GRID2: variants seen among roughly 807,000 people sequenced by gnomAD.
The protein encoded by GRID2 is glutamate ionotropic receptor delta type subunit 2.
Under a neutral mutation model 114.8 loss-of-function variants are expected in GRID2, and 33 were observed. The ratio of observed to expected loss-of-function variants is 0.29; its 90% CI spans 0.22 to 0.38. The LOEUF is 0.38. Among genes scored for constraint, GRID2 ranks in the 10% least tolerant of loss-of-function variants. The probability of loss-of-function intolerance (pLI) is 1.00; values close to 1 mark genes in which losing one functional copy is unlikely to be tolerated. For synonymous variants in GRID2, 505 were observed against 449.9 expected (o/e 1.12, Z -1.55); for missense variants, 1,184 against 1,257.7 (o/e 0.94, Z 0.89).
In GRID2 at chr4:93,464,669, ACAT is replaced by A. The variant is rs368425814; in HGVS notation, c.1858+8696_1858+8698del. On this transcript the variant is annotated intron_variant, in intron 11 of 15. Coordinates refer to ENST00000282020, the MANE Select transcript of GRID2 (RefSeq NM_001510.4). Reference sequence around the variant, plus strand: ...TATATATCAATGTCACTAGTGAACTACATTTTTATGGCAATTTTTTTCTTTTTT... The same window carrying A: ...TATATATCAATGTCACTAGTGAACTATTTTATGGCAATTTTTTTCTTTTTT... Among the ~76,000 whole-genome samples the A allele has an allele frequency of 2.0e-5, 3 of 152,348 alleles. No homozygotes were observed. In the South Asian group the frequency reaches 6.2e-4, roughly 32 times the overall value.
chr4:92,348,601 T>C (rs966795837), intron 1 of GRID2, among the ~76,000 whole-genome samples: 1 of 152,178 alleles, frequency 6.6e-6, no homozygotes, highest in Admixed American at 6.6e-5. Context: ...TTAGGCTAGG[T>C]GTAAATGAAA....
chr4:93,269,478 A>G (rs929613564), intron 8 of GRID2, among the ~76,000 whole-genome samples: 3 of 152,186 alleles, frequency 2.0e-5, no homozygotes, highest in Non-Finnish European at 4.4e-5. Flanking sequence ...TGCAAAGCTC[A>G]CTGAAGTGTC....
intron 2 of GRID2, among the ~76,000 whole-genome samples, chr4:92,615,562 T>A (rs1729967534): frequency 6.6e-6 from 1 of 151,686 alleles, no homozygotes; most frequent in African/African-American, 2.4e-5. Context: ...TTTTTCTTAA[T>A]CCAGTCTCAA....
chr4:92,420,148 T>C (rs890477885), intron 1 of GRID2, among the ~76,000 whole-genome samples: 2 of 152,130 alleles, frequency 1.3e-5, no homozygotes, highest in African/African-American at 4.8e-5. Context: ...TTTGGAGAAT[T>C]CTGCTGTGAC....
At chr4:92,797,526 AT>A in intron 2 of GRID2, among the ~76,000 whole-genome samples, 1 of 152,086 alleles carries the variant, frequency 6.6e-6, no homozygotes, top group Middle Eastern at 3.4e-3. Context: ...TTTTGCATAT[AT>A]TTTTAAGTTA....
At chr4:92,535,719 G>C (rs1032311720) in intron 1 of GRID2, among the ~76,000 whole-genome samples, 1 of 152,172 alleles carries the variant, frequency 6.6e-6, no homozygotes, top group Non-Finnish European at 1.5e-5. Flanking sequence ...TCTGGAACTG[G>C]TTCCTTCAGT....
At chr4:92,373,450 T>C (rs1423524182) in intron 1 of GRID2, among the ~76,000 whole-genome samples, 1 of 152,224 alleles carries the variant, frequency 6.6e-6, no homozygotes, top group Non-Finnish European at 1.5e-5. Context: ...TCTAACAATG[T>C]TGTAGCCTGG....
chr4:93,657,860 C>G (rs746639589), intron 14 of GRID2, among the ~76,000 whole-genome samples: 1 of 152,132 alleles, frequency 6.6e-6, no homozygotes, highest in African/African-American at 2.4e-5. Context: ...TCTTGTAGAA[C>G]CCAATACAGC....
chr4:92,800,148 A>C (rs1740083004), intron 2 of GRID2, among the ~76,000 whole-genome samples: 2 of 150,712 alleles, frequency 1.3e-5, no homozygotes, highest in South Asian at 4.2e-4. Flanking sequence ...AATAATCAGC[A>C]ATTTATTTAA....
chr4:93,564,828 C>T (rs1735255967), intron 13 of GRID2, among the ~76,000 whole-genome samples: 1 of 152,024 alleles, frequency 6.6e-6, no homozygotes, highest in East Asian at 1.9e-4. Context: ...CAGGAAAATA[C>T]AGCACCATAT....
intron 13 of GRID2, among the ~76,000 whole-genome samples, chr4:93,599,296 A>G (rs1296138838): frequency 6.6e-6 from 1 of 152,214 alleles, no homozygotes; most frequent in Admixed American, 6.5e-5. Context: ...TAGCACTGTC[A>G]TTAGTGGTCA....
At chr4:93,155,339 G>A (rs1294092357) in intron 4 of GRID2, among the ~76,000 whole-genome samples, 2 of 151,826 alleles carry the variant, frequency 1.3e-5, no homozygotes, top group Admixed American at 6.6e-5. Flanking sequence ...TGCACAGAAG[G>A]CCTTTTCTCC....
intron 4 of GRID2, among the ~76,000 whole-genome samples, chr4:93,150,502 T>C (rs189602527): frequency 7.1e-4 from 108 of 152,250 alleles, no homozygotes; most frequent in African/African-American, 2.4e-3. Flanking sequence ...TTATAAGTGC[T>C]CACTGTGCCC....
At chr4:93,775,290 A>C (rs186416332), downstream of GRID2, among the ~76,000 whole-genome samples, 1 of 152,282 alleles carries the variant, frequency 6.6e-6, no homozygotes, top group African/African-American at 2.4e-5. Context: ...AGATGCTGTG[A>C]TATGCCCAAA....
In GRID2 at chr4:92,333,205, C is replaced by G. The variant is rs549666411; in HGVS notation, c.88+28461C>G. Among the ~76,000 whole-genome samples, 192 of 152,332 alleles carry G rather than the reference C, an allele frequency of 1.3e-3. 2 individuals carry two copies. The highest frequency in any genetic ancestry group is 4.4e-3 in the African/African-American group (183 of 41,580). ...TTCTGCTCATCTGCAGAGTCAGCAC[C>G]ATGTGTTGCTTGTGTGTACGTGGTG... is the stretch of plus-strand genomic sequence containing the variant. On this transcript the variant is annotated intron_variant, in intron 1 of 15. Transcript: ENST00000282020.
At chr4:93,172,394 C>A (rs904594302) in intron 4 of GRID2, among the ~76,000 whole-genome samples, 1 of 152,046 alleles carries the variant, frequency 6.6e-6, no homozygotes, top group Non-Finnish European at 1.5e-5. Context: ...AGTTCGGGAC[C>A]AGCCTGGCCA....
intron 14 of GRID2, among the ~76,000 whole-genome samples, chr4:93,629,326 CG>C (rs1655099200): frequency 1.3e-5 from 2 of 151,906 alleles, no homozygotes. Flanking sequence ...TTCTTGGTAA[CG>C]ACACCCTGCA....
At chr4:92,856,662 T>G (rs1340450806) in intron 2 of GRID2, among the ~76,000 whole-genome samples, 5 of 152,190 alleles carry the variant, frequency 3.3e-5, no homozygotes, top group Admixed American at 6.6e-5. Flanking sequence ...ATCACTGTTA[T>G]GAAGCAAAAA....
intron 1 of GRID2, among the ~76,000 whole-genome samples, chr4:92,541,967 G>A (rs986586690): frequency 6.6e-6 from 1 of 152,008 alleles, no homozygotes. Context: ...GAATATGATT[G>A]TGCTGAGTGA....
Sources: gnomAD v4.1 joint callset for allele counts (sites outside exome capture counted in the v4.1 genomes callset) on GRCh38, gnomAD v4.1.1 for gene constraint, MANE v1.5 for transcripts, NCBI Gene and HGNC (gene_info 2026-07-23, HGNC 2026-07-21) for gene names.